Variants in GRTP1 observed in about 807,000 individuals in gnomAD.
The protein encoded by GRTP1 is growth hormone regulated TBC protein 1, also known as growth hormone-regulated TBC protein 1.
GRTP1 carries 56 observed loss-of-function variants against 38.1 expected under a neutral mutation model. The ratio of observed to expected loss-of-function variants is 1.47; its 90% CI spans 1.19 to 1.84. The LOEUF (loss-of-function observed/expected upper bound fraction) is 1.84, where lower values mean the gene tolerates loss of function less well. Among genes scored for constraint, GRTP1 ranks in the 40% most tolerant of loss-of-function variants. The probability of loss-of-function intolerance (pLI) is 0.00; values close to 1 mark genes in which losing one functional copy is unlikely to be tolerated. For missense variants in GRTP1, 506 were observed against 453.9 expected (o/e 1.11, Z -1.04); for synonymous variants, 217 against 189.5 (o/e 1.14, Z -1.19).
intron 4 of GRTP1, among the ~76,000 whole-genome samples, chr13:113,350,436 C>T (rs955271324): frequency 7.5e-5 from 11 of 146,872 alleles, no homozygotes; most frequent in African/African-American, 1.0e-4. Flanking sequence ...CATCCCACAG[C>T]GCACGCACCC....
intron 3 of GRTP1, 107 bp downstream of exon 3, chr13:113,355,216 C>A (rs1470290575): frequency 1.8e-6 from 2 of 1,105,570 alleles, no homozygotes; most frequent in Non-Finnish European, 2.6e-6. Context: ...AAGTTAAAAG[C>A]AGCAGGCGCA....
chr13:113,344,374 T>G (rs567642816), intron 5 of GRTP1, among the ~76,000 whole-genome samples: 4 of 152,204 alleles, frequency 2.6e-5, no homozygotes, highest in Non-Finnish European at 5.9e-5. Context: ...GCCACTCACA[T>G]GGGTTTCTCC....
chr13:113,336,633 G>A (rs373940964), intron 5 of GRTP1, among the ~76,000 whole-genome samples: 15 of 152,202 alleles, frequency 9.9e-5, no homozygotes, highest in African/African-American at 3.6e-4. Context: ...CAGGACACCA[G>A]CCCCTTGCCC....
At chr13:113,325,549 A>G (rs771414988) in intron 7 of GRTP1, 112 bp downstream of exon 7, 9 of 1,576,966 alleles carry the variant, frequency 5.7e-6, no homozygotes, top group South Asian at 3.4e-5. Context: ...CCTGTGCCCT[A>G]TGCCCACTGG....
chr13:113,360,395 T>C (rs1221890411), intron 2 of GRTP1: 1 of 152,132 alleles, frequency 6.6e-6, no homozygotes, highest in East Asian at 1.9e-4. Flanking sequence ...TGGTAGATGA[T>C]TGTGTTCCTG....
At chr13:113,333,677 G>A (rs921388893) in intron 5 of GRTP1, among the ~76,000 whole-genome samples, 2 of 151,354 alleles carry the variant, frequency 1.3e-5, no homozygotes, top group African/African-American at 2.4e-5. Flanking sequence ...GCTAATTTTT[G>A]TATTTTTAGT....
rs2043158695 is a variant in GRTP1 at position 113,347,162 on chromosome 13, ACC to A, written c.466-2205_466-2204del. 2.3e-5 allele frequency among the ~76,000 whole-genome samples: 2 copies of A among 87,198 alleles called. 1 individual carries two copies. Among genetic ancestry groups the A allele is most frequent in the Admixed American group, 2.4e-4 (2 of 8,390 alleles). 57.2% of individuals were successfully genotyped at this position (87,198 alleles called of 152,430 possible). A position where few individuals can be genotyped will look rare whatever the true frequency, so the allele number is the denominator to read the frequency against. On this transcript the variant is annotated intron_variant, in intron 4 of 7. Coordinates refer to ENST00000375431, the MANE Select transcript of GRTP1 (RefSeq NM_024719.4). Reference sequence around the variant, plus strand: ...TGTGGCAGAGAGCAGACCCGGGAGGACCTCTGTGGCAGAGAGCAGACCCAGGA... The same window carrying A: ...TGTGGCAGAGAGCAGACCCGGGAGGATCTGTGGCAGAGAGCAGACCCAGGA...
intron 4 of GRTP1, among the ~76,000 whole-genome samples, chr13:113,346,091 G>C (rs1370084169): frequency 9.7e-5 from 2 of 20,530 alleles, no homozygotes; most frequent in Admixed American, 5.8e-4. Flanking sequence ...GACCTGGGAA[G>C]ACATCTGTGG....
rs1265805073 is a variant in GRTP1 at position 113,335,442 on chromosome 13, A to AAACAAAT, written c.563-9352_563-9351insATTTGTT. 1.5e-3 allele frequency among the ~76,000 whole-genome samples: 11 copies of AAACAAAT among 7,356 alleles called. No individual in the cohort carries two copies. In the Non-Finnish European group the frequency reaches 0.033, roughly 22 times the overall value. 4.8% of individuals were successfully genotyped at this position (7,356 alleles called of 152,430 possible). ...TGTCTCACAAAAAACAAAAAACAAAAACCTGGGTAACGGATCCACCCACAT... is the reference window on the plus strand; with the variant it reads ...TGTCTCACAAAAAACAAAAAACAAAAAACAAATACCTGGGTAACGGATCCACCCACAT... On this transcript the variant is annotated intron_variant, in intron 5 of 7. Coordinates refer to ENST00000375431, the MANE Select transcript of GRTP1 (RefSeq NM_024719.4).
chr13:113,355,572 C>A, intron 2 of GRTP1, 91 bp from the exon 3 acceptor site: 1 of 1,384,490 alleles, frequency 7.2e-7, no homozygotes, highest in East Asian at 2.5e-5. Context: ...CTCACCAGTT[C>A]TCTTCTTAAA....
chr13:113,355,569 G>A lies in GRTP1; in HGVS notation c.182-88C>T, dbSNP rs2043371289. On this transcript the variant is annotated intron_variant, in intron 2 of 7. Coordinates refer to ENST00000375431, the MANE Select transcript of GRTP1 (RefSeq NM_024719.4). ...CCTGCCACACTTTCCACTCTCACCA[G>A]TTCTCTTCTTAAATCAAATATTAAA... 17 of 1,391,302 alleles carry A rather than the reference G, an allele frequency of 1.2e-5. 1 individual carries two copies. The South Asian group carries it at 2.4e-4, about 20-fold the overall frequency. 86.2% of individuals were successfully genotyped at this position (1,391,302 alleles called of 1,614,324 possible).
chr13:113,345,996 ACCCGAGAGGACCTCTGCGGCTGAG>A (rs1249760590), intron 4 of GRTP1, among the ~76,000 whole-genome samples: 10 of 147,418 alleles, frequency 6.8e-5, no homozygotes, highest in African/African-American at 2.5e-4. Flanking sequence ...CCGAGAGTGG[ACCCGAGAGGACCTCTGCGGCTGAG>A]CAGACCTGGG....
chr13:113,348,006 G>C lies in GRTP1; in HGVS notation c.465+2843C>G, dbSNP rs1279593711. ...CAGACCTGGGAGGACCTGTGTGGCT[G>C]AGCGGACCTGGGAGGACCTGTCTGG... is the stretch of plus-strand genomic sequence containing the variant. On this transcript the variant is annotated intron_variant, in intron 4 of 7. Coordinates refer to ENST00000375431, the MANE Select transcript of GRTP1 (RefSeq NM_024719.4). The surrounding 1 kb of genome is among the most constrained non-coding windows in gnomAD (Gnocchi z 4.8). Among the ~76,000 whole-genome samples, 1 of 151,640 alleles carries C rather than the reference G, an allele frequency of 6.6e-6. No individual in the cohort carries two copies. The highest frequency in any genetic ancestry group is 2.1e-4 in the South Asian group (1 of 4,798).
chr13:113,325,481 G>A (rs1376024853), intron 7 of GRTP1, 180 bp downstream of exon 7: 9 of 1,463,668 alleles, frequency 6.1e-6, no homozygotes, highest in Middle Eastern at 2.3e-4. Flanking sequence ...GCCATAGACA[G>A]GAAAGCCCTC....
intron 5 of GRTP1, 85 bp from the exon 6 acceptor site, chr13:113,326,176 C>A: frequency 1.3e-6 from 2 of 1,527,458 alleles, no homozygotes; most frequent in Non-Finnish European, 1.8e-6. Context: ...ACAAAGACAA[C>A]AGGGCCACCC....
At position 113,352,283 on chromosome 13, in the gene GRTP1, TA is replaced by T. The variant is rs1566437609; in HGVS notation, c.341-1311del. Among the ~76,000 whole-genome samples the T allele has an allele frequency of 4.8e-3, 233 of 48,486 alleles. 1 individual carries two copies. The highest frequency in any genetic ancestry group is 0.026 in the East Asian group (15 of 568). 31.8% of individuals were successfully genotyped at this position (48,486 alleles called of 152,430 possible). Reference sequence around the variant, plus strand: ...ATATTTTTATATTTTTATATATATTTATATATATTTATATATATTTTATATA... The same window carrying T: ...ATATTTTTATATTTTTATATATATTTTATATATTTATATATATTTTATATA... On this transcript the variant is annotated intron_variant, in intron 3 of 7. Coordinates refer to ENST00000375431, the MANE Select transcript of GRTP1 (RefSeq NM_024719.4).
chr13:113,328,274 C>T (rs796306298), intron 5 of GRTP1, among the ~76,000 whole-genome samples: 8 of 152,336 alleles, frequency 5.3e-5, no homozygotes, highest in African/African-American at 1.2e-4. Flanking sequence ...CTGGCCAGGA[C>T]GGGGGCACAG....
At chr13:113,325,443 G>A (rs1315508814) in intron 7 of GRTP1, 8 of 1,443,632 alleles carry the variant, frequency 5.5e-6, no homozygotes, top group African/African-American at 2.9e-5. Flanking sequence ...AGCAGCGTCC[G>A]CAGTGCCAGG....
At position 113,354,583 on chromosome 13, in the gene GRTP1, C is replaced by T. The variant is rs1009493681; in HGVS notation, c.340+740G>A. Among the ~76,000 whole-genome samples, 3 of 149,342 alleles carry T rather than the reference C, an allele frequency of 2.0e-5. 1 individual carries two copies. The highest frequency in any genetic ancestry group is 6.5e-3 in the Middle Eastern group (2 of 306). The stretch of plus-strand genomic sequence containing the variant: ...CACTCTTGTTGCCCAGGCTGGAGTG[C>T]GGTGGTGCAATCCCAACTCACCGCA... On this transcript the variant is annotated intron_variant, in intron 3 of 7. Coordinates refer to ENST00000375431, the MANE Select transcript of GRTP1 (RefSeq NM_024719.4).
Sources: allele counts gnomAD v4.1 joint callset (sites outside exome capture counted in the v4.1 genomes callset), GRCh38; gene constraint gnomAD v4.1.1; non-coding constraint Gnocchi (gnomAD v3.1); transcripts MANE v1.5; gene names NCBI Gene and HGNC (gene_info 2026-07-23, HGNC 2026-07-21).